SLC37A1: variants seen among roughly 807,000 people sequenced by gnomAD.
SLC37A1 encodes solute carrier family 37 member 1, also known as glucose-6-phosphate exchanger SLC37A1.
SLC37A1 carries 49 observed loss-of-function variants against 75.3 expected under a neutral mutation model. The ratio of observed to expected loss-of-function variants is 0.65; its 90% CI spans 0.52 to 0.83. The LOEUF (loss-of-function observed/expected upper bound fraction) is 0.83. SLC37A1 is among the 40% of genes least tolerant of loss of function. SLC37A1 has a pLI of 0.00. For synonymous variants in SLC37A1, 268 were observed against 292.1 expected, an observed-to-expected ratio of 0.92 and a Z score of 0.84; for missense variants, 566 against 695.0, an observed-to-expected ratio of 0.81 and a Z score of 2.09.
At chr21:42,521,307 G>A (rs895151198) in intron 2 of SLC37A1, among the ~76,000 whole-genome samples, 3 of 152,168 alleles carry the variant, frequency 2.0e-5, no homozygotes, top group Admixed American at 6.5e-5. Context: ...ACATGGCATC[G>A]CTTCTCTGTC....
At chr21:42,516,192 G>A (rs766545966) in intron 1 of SLC37A1, among the ~76,000 whole-genome samples, 25 of 152,378 alleles carry the variant, frequency 1.6e-4, no homozygotes, top group Non-Finnish European at 2.9e-4. Context: ...TACTTGGGCA[G>A]TGTGCCAAAA....
At chr21:42,540,211 G>A (rs1398385705) in intron 6 of SLC37A1, among the ~76,000 whole-genome samples, 1 of 152,250 alleles carries the variant, frequency 6.6e-6, no homozygotes, top group East Asian at 1.9e-4. Context: ...GCGGGACAGG[G>A]CGTTCCACCT....
At chr21:42,526,049 A>G in intron 3 of SLC37A1, 192 bp downstream of exon 3, 2 of 538,578 alleles carry the variant, frequency 3.7e-6, no homozygotes, top group Non-Finnish European at 6.6e-6. Context: ...TTTTGGATTT[A>G]TACTTTCAGA....
chr21:42,561,941 C>G (rs867371657), intron 11 of SLC37A1, 137 bp from the exon 12 acceptor site: 5 of 712,010 alleles, frequency 7.0e-6, no homozygotes, highest in South Asian at 4.9e-5. Context: ...CTCCCCAGTA[C>G]GTGTCTGGAG....
At chr21:42,565,746 GTTT>G (rs2055960270) in intron 14 of SLC37A1, 78 bp from the exon 15 acceptor site, 1 of 1,364,672 alleles carries the variant, frequency 7.3e-7, no homozygotes, top group Non-Finnish European at 1.0e-6. Flanking sequence ...CACCCGCCGG[GTTT>G]TTGAGAAGTA....
At chr21:42,554,039 A>G (rs771212217) in intron 9 of SLC37A1, 23 bp from the exon 10 acceptor site, 17 of 1,594,732 alleles carry the variant, frequency 1.1e-5, no homozygotes, top group Middle Eastern at 1.7e-4. Context: ...GTATCGCTCT[A>G]ATGAAACTTT....
chr21:42,503,212 A>G (rs2054355588), intron 2 of SLC37A1, among the ~76,000 whole-genome samples: 1 of 151,946 alleles, frequency 6.6e-6, no homozygotes, highest in Non-Finnish European at 1.5e-5. Context: ...ATGAAGTTGA[A>G]CAAGGTAAGG....
Position 42,537,837 on chromosome 21 carries a change from C to T in SLC37A1, c.351-1675C>T, listed in dbSNP as rs372322506. On this transcript the variant is annotated intron_variant, in intron 5 of 19. Coordinates refer to ENST00000352133, the MANE Select transcript of SLC37A1 (RefSeq NM_001320537.2). ...TGACTGAAAACAAGGGCACATGCTG[C>T]TGCATTGAAGGGGCCTTTTTGTGTG... 1.9e-4 allele frequency among the ~76,000 whole-genome samples: 29 copies of T among 152,326 alleles called. No individual in the cohort carries two copies. The South Asian group carries it at 5.6e-3, about 29-fold the overall frequency.
chr21:42,510,641 C>A (rs1316594723), upstream of SLC37A1, among the ~76,000 whole-genome samples: 1 of 150,724 alleles, frequency 6.6e-6, no homozygotes, highest in Admixed American at 6.6e-5. Flanking sequence ...TTTAAGGATA[C>A]ACATAGGCTG....
At chr21:42,530,993 G>T (rs185398256) in intron 3 of SLC37A1, among the ~76,000 whole-genome samples, 2 of 152,192 alleles carry the variant, frequency 1.3e-5, no homozygotes, top group Non-Finnish European at 2.9e-5. Context: ...AAATGACTGC[G>T]TGGGGCTCTG....
At chr21:42,523,882 C>T (rs2054714039) in intron 2 of SLC37A1, among the ~76,000 whole-genome samples, 1 of 145,254 alleles carries the variant, frequency 6.9e-6, no homozygotes, top group Admixed American at 7.2e-5. Context: ...CTTTCTTTCC[C>T]ACCTGAAATA....
chr21:42,505,047 A>G (rs899611522), intron 2 of SLC37A1, among the ~76,000 whole-genome samples: 1 of 152,232 alleles, frequency 6.6e-6, no homozygotes, highest in African/African-American at 2.4e-5. Context: ...TCTGCCAAGA[A>G]GACGCCAACA....
At chr21:42,535,228 G>A (rs548454981) in intron 4 of SLC37A1, among the ~76,000 whole-genome samples, 12 of 152,346 alleles carry the variant, frequency 7.9e-5, no homozygotes, top group African/African-American at 2.6e-4. Context: ...GCACAATGGG[G>A]ATTTTATCTC....
intron 17 of SLC37A1, among the ~76,000 whole-genome samples, chr21:42,572,576 A>G (rs1275141623): frequency 2.7e-5 from 4 of 150,166 alleles, no homozygotes; most frequent in Non-Finnish European, 4.4e-5. Flanking sequence ...CCATATTTTC[A>G]ATGTTTACTG....
At chr21:42,534,614 G>T in intron 3 of SLC37A1, 84 bp from the exon 4 acceptor site, 2 of 1,490,834 alleles carry the variant, frequency 1.3e-6, no homozygotes, top group Non-Finnish European at 9.0e-7. Context: ...GGAGAGGAGG[G>T]GTGACTGTTC....
chr21:42,513,092 G>C (rs1221882512), upstream of SLC37A1, among the ~76,000 whole-genome samples: 2 of 152,240 alleles, frequency 1.3e-5, no homozygotes, highest in South Asian at 2.1e-4. Context: ...TCCCCGAGGA[G>C]TGGGCTGGGA....
intron 2 of SLC37A1, among the ~76,000 whole-genome samples, chr21:42,503,814 C>T (rs540419842): frequency 2.6e-4 from 40 of 152,208 alleles, no homozygotes; most frequent in African/African-American, 9.4e-4. Context: ...TTTCCCTCTC[C>T]CTCTACAAAC....
upstream of SLC37A1, among the ~76,000 whole-genome samples, chr21:42,512,707 C>A (rs1315092987): frequency 6.6e-6 from 1 of 152,258 alleles, no homozygotes; most frequent in Admixed American, 6.5e-5. Context: ...CTTCCTGGGG[C>A]TGAACCCTGC....
chr21:42,574,768 C>A, intron 17 of SLC37A1, 50 bp from the exon 18 acceptor site: 1 of 1,588,806 alleles, frequency 6.3e-7, no homozygotes, highest in Non-Finnish European at 8.6e-7. Context: ...TAGTTATGTG[C>A]TGGGATTTTC....
Sources: allele counts gnomAD v4.1 joint callset (sites outside exome capture counted in the v4.1 genomes callset), GRCh38; gene constraint gnomAD v4.1.1; transcripts MANE v1.5; gene names NCBI Gene and HGNC (gene_info 2026-07-23, HGNC 2026-07-21).